Variants in NOXA1 observed in about 807,000 individuals in gnomAD.
NOXA1 encodes the protein NCF2-like protein.
NOXA1 carries 56 observed loss-of-function variants against 64.8 expected under a neutral mutation model. The ratio of observed to expected loss-of-function variants is 0.86; its 90% CI spans 0.70 to 1.08. The LOEUF (loss-of-function observed/expected upper bound fraction) is 1.08, where lower values mean the gene tolerates loss of function less well. NOXA1 is among the 50% of genes least tolerant of loss of function. The probability of loss-of-function intolerance (pLI) is 0.00; values close to 1 mark genes in which losing one functional copy is unlikely to be tolerated. For missense variants in NOXA1, 668 were observed against 658.5 expected, an observed-to-expected ratio of 1.01 and a Z score of -0.16; for synonymous variants, 295 against 294.8, an observed-to-expected ratio of 1.00 and a Z score of -0.01.
At chr9:137,423,832 C>T in intron 1 of NOXA1, 126 bp downstream of exon 1, 1 of 813,254 alleles carries the variant, frequency 1.2e-6, no homozygotes, top group Non-Finnish European at 1.6e-6. Context: ...AACGCCCCGG[C>T]AGGTGGGAGC....
chr9:137,423,574 G>T lies in NOXA1; in HGVS notation c.45G>T (p.Ala15=). 2 of 1,462,304 alleles carry T rather than the reference G, an allele frequency of 1.4e-6. No homozygotes were observed. The highest frequency in any genetic ancestry group is 1.8e-6 in the Non-Finnish European group (2 of 1,105,836). The allele number at this position is 1,462,304 out of a possible 1,614,324, so 90.6% of individuals were successfully genotyped here. The change falls in exon 1 of 14, where the codon GCG becomes GCT. Residue 15 remains alanine (A), a synonymous_variant. Coordinates refer to ENST00000683555, the MANE Select transcript of NOXA1 (RefSeq NM_001256067.2). The part of the protein sequence containing the change: ...GDLVRAWHLG[A]QAVDRGDWAR... ...TGGTGCGCGCCTGGCACCTGGGCGCGCAGGCTGTGGATCGTGGGGACTGGG... is the reference window on the plus strand; with the variant it reads ...TGGTGCGCGCCTGGCACCTGGGCGCTCAGGCTGTGGATCGTGGGGACTGGG...
chr9:137,425,104 C>T (rs961873833), intron 1 of NOXA1, among the ~76,000 whole-genome samples: 10 of 152,188 alleles, frequency 6.6e-5, no homozygotes, highest in Non-Finnish European at 1.2e-4. Context: ...ATCAGGGCTG[C>T]GTGCCTGTGC....
Position 137,431,425 on chromosome 9 carries a change from T to A in NOXA1, c.804+84T>A. On this transcript the variant is annotated intron_variant, in intron 8 of 13. Transcript: ENST00000683555. This position sits in a 1 kb window ranked among gnomAD's most constrained non-coding sequence, Gnocchi z 5.6. ...ACTGGGGACCACAATGGGACCAACA[T>A]GAGGGTGGAGGGAGCAGCTCGCTGG... The A allele has an allele frequency of 1.7e-6, 2 of 1,158,310 alleles. No individual in the cohort carries two copies. The highest frequency in any genetic ancestry group is 2.5e-6 in the Non-Finnish European group (2 of 792,426). 71.8% of individuals were successfully genotyped at this position (1,158,310 alleles called of 1,614,324 possible). A position where few individuals can be genotyped will look rare whatever the true frequency, so the allele number is the denominator to read the frequency against.
At position 137,431,377 on chromosome 9, in the gene NOXA1, C is replaced by G; in HGVS notation, c.804+36C>G. The G allele has an allele frequency of 6.5e-7, 1 of 1,535,522 alleles. No individual in the cohort carries two copies. Among genetic ancestry groups the G allele is most frequent in the Non-Finnish European group, 8.9e-7 (1 of 1,120,308 alleles). ...CTGGGCCTCTTCCCCTGCTGGGGGT[C>G]GGTGCTTCTGCTGCCTCCGCAGACT... On this transcript the variant is annotated intron_variant, in intron 8 of 13. Transcript: ENST00000683555. The surrounding 1 kb of genome is among the most constrained non-coding windows in gnomAD (Gnocchi z 5.6).
At chr9:137,424,569 T>A (rs138412856) in intron 1 of NOXA1, among the ~76,000 whole-genome samples, 2,191 of 152,122 alleles carry the variant, frequency 0.014, 52 homozygotes, top group African/African-American at 0.05. Flanking sequence ...CCTCCCTAGT[T>A]GCTGGGAGTA....
chr9:137,432,645 C>T (rs1344524657), intron 8 of NOXA1, among the ~76,000 whole-genome samples: 2 of 152,250 alleles, frequency 1.3e-5, no homozygotes, highest in East Asian at 3.9e-4. Flanking sequence ...TTGTGACTTG[C>T]AGCTGGTGAA....
chr9:137,430,174 G>A (rs1191117928), intron 5 of NOXA1, among the ~76,000 whole-genome samples: 3 of 152,052 alleles, frequency 2.0e-5, no homozygotes, highest in Non-Finnish European at 4.4e-5. Context: ...GCCACAGATA[G>A]CAAGGTCTCA....
intron 6 of NOXA1, 32 bp downstream of exon 6, chr9:137,430,875 G>C (rs746475103): frequency 6.4e-7 from 1 of 1,559,622 alleles, no homozygotes; most frequent in African/African-American, 1.4e-5. Context: ...CCCCTGCCTG[G>C]CCTCACCCAG....
Position 137,428,020 on chromosome 9 carries a change from C to T in NOXA1, c.261-13C>T, listed in dbSNP as rs889780724. 45 of 1,549,098 alleles carry T rather than the reference C, an allele frequency of 2.9e-5. No homozygotes were observed. The highest frequency in any genetic ancestry group is 2.0e-4 in the African/African-American group (15 of 73,456). On this transcript the variant is annotated splice_polypyrimidine_tract_variant and intron_variant, in intron 2 of 13. Coordinates refer to ENST00000683555, the MANE Select transcript of NOXA1 (RefSeq NM_001256067.2). ...CCGCCCTGTGCTGCTGAGGGGACCC[C>T]GGCTGCCCACAGGTTCCAGGAGGCT...
At position 137,431,209 on chromosome 9, in the gene NOXA1, G is replaced by A; in HGVS notation, c.699-27G>A. The A allele has an allele frequency of 6.2e-7, 1 of 1,608,142 alleles. No homozygotes were observed. Among genetic ancestry groups the A allele is most frequent in the Non-Finnish European group, 8.5e-7 (1 of 1,176,164 alleles). On this transcript the variant is annotated intron_variant, in intron 7 of 13. Coordinates refer to ENST00000683555, the MANE Select transcript of NOXA1 (RefSeq NM_001256067.2). The surrounding 1 kb of genome is among the most constrained non-coding windows in gnomAD (Gnocchi z 5.6). Reference sequence around the variant, plus strand: ...ACAGGAGGGCAGTCAGATGGGCAGGGCCTGAGAGCCTCCCTCCTCTCCCTA... The same window carrying A: ...ACAGGAGGGCAGTCAGATGGGCAGGACCTGAGAGCCTCCCTCCTCTCCCTA...
At chr9:137,432,972 G>A in intron 8 of NOXA1, 57 bp from the exon 9 acceptor site, 2 of 1,592,208 alleles carry the variant, frequency 1.3e-6, no homozygotes, top group African/African-American at 1.3e-5. Flanking sequence ...TGCGAGGACA[G>A]TACCGGCCTC....
chr9:137,430,674 C>A (rs1329245497), intron 5 of NOXA1, 110 bp from the exon 6 acceptor site: 3 of 899,708 alleles, frequency 3.3e-6, no homozygotes, highest in East Asian at 2.9e-5. Flanking sequence ...GGGCAGCTGT[C>A]ACCCAGCCCC....
In NOXA1 at chr9:137,423,562, G is replaced by C; in HGVS notation, c.33G>C (p.Trp11Cys). The stretch of plus-strand genomic sequence containing the variant: ...CTCTGGGGGACCTGGTGCGCGCCTG[G>C]CACCTGGGCGCGCAGGCTGTGGATC... MASLGDLVRA[W>C]HLGAQAVDRG... The change falls in exon 1 of 14, where the codon TGG becomes TGC. Residue 11 changes from tryptophan to cysteine, a missense_variant. Physicochemically the swap from Trp to Cys is radical, Grantham distance 215. Transcript: ENST00000683555. 6.9e-7 allele frequency: 1 copy of C among 1,452,832 alleles called. No homozygotes were observed. Among genetic ancestry groups the C allele is most frequent in the Non-Finnish European group, 9.1e-7 (1 of 1,100,672 alleles). 90.0% of individuals were successfully genotyped at this position (1,452,832 alleles called of 1,614,324 possible).
At position 137,426,366 on chromosome 9, in the gene NOXA1, C is replaced by T. The variant is rs562784135; in HGVS notation, c.260+36C>T. On this transcript the variant is annotated intron_variant, in intron 2 of 13. Transcript: ENST00000683555. The stretch of plus-strand genomic sequence containing the variant: ...GGGTGCCTTGTTCCTTCTCTGACGG[C>T]CCTTTGTCTCCCTGCAGAGTCCACT... 3.8e-6 allele frequency: 6 copies of T among 1,558,612 alleles called. No individual in the cohort carries two copies. In the South Asian group the frequency reaches 6.7e-5, roughly 17 times the overall value.
At chr9:137,424,970 C>T (rs11507672) in intron 1 of NOXA1, among the ~76,000 whole-genome samples, 1,708 of 152,328 alleles carry the variant, frequency 0.011, 36 homozygotes, top group African/African-American at 0.037. Context: ...TTCATAAAGC[C>T]GATCACGTGA....
intron 5 of NOXA1, among the ~76,000 whole-genome samples, chr9:137,430,299 G>A (rs1839052678): frequency 6.7e-6 from 1 of 148,426 alleles, no homozygotes; most frequent in Non-Finnish European, 1.5e-5. Flanking sequence ...CCCAAAGGCA[G>A]CGGGCGAAAC....
At chr9:137,428,855 C>T (rs1838961475) in intron 3 of NOXA1, 27 bp from the exon 4 acceptor site, 2 of 1,552,080 alleles carry the variant, frequency 1.3e-6, no homozygotes, top group South Asian at 1.2e-5. Context: ...CATCAGGCCC[C>T]TGCCATCACC....
At chr9:137,428,770 G>T in intron 3 of NOXA1, 112 bp from the exon 4 acceptor site, 1 of 1,093,712 alleles carries the variant, frequency 9.1e-7, no homozygotes. Context: ...CCAGGTGGGG[G>T]GACTGGGGGA....
intron 1 of NOXA1, among the ~76,000 whole-genome samples, chr9:137,423,941 G>A (rs1470354957): frequency 6.6e-6 from 1 of 152,198 alleles, no homozygotes; most frequent in East Asian, 1.9e-4. Flanking sequence ...CACCGGGAAG[G>A]GGGAAGCTGC....
Sources: gnomAD v4.1 joint callset for allele counts (sites outside exome capture counted in the v4.1 genomes callset) on GRCh38, gnomAD v4.1.1 for gene constraint, Gnocchi (gnomAD v3.1) non-coding constraint, MANE v1.5 for transcripts, NCBI Gene and HGNC (gene_info 2026-07-23, HGNC 2026-07-21) for gene names.